Variants in CADM2 observed in about 807,000 individuals in gnomAD.
CADM2 encodes immunoglobulin superfamily member 4D.
Under a neutral mutation model 49.8 loss-of-function variants are expected in CADM2, and 12 were observed. That is an observed-to-expected ratio of 0.24 (90% CI 0.15 to 0.39). The LOEUF (loss-of-function observed/expected upper bound fraction) is 0.39, where lower values mean the gene tolerates loss of function less well. Ranked by LOEUF, CADM2 falls within the 10% of genes least tolerant of loss-of-function variation. The probability of loss-of-function intolerance (pLI) is 1.00; values close to 1 mark genes in which losing one functional copy is unlikely to be tolerated. For missense variants in CADM2, 378 were observed against 492.3 expected (o/e 0.77, Z 2.20); for synonymous variants, 214 against 175.4 (o/e 1.22, Z -1.74).
intron 1 of CADM2, among the ~76,000 whole-genome samples, chr3:85,348,355 AT>A (rs758281693): frequency 8.5e-5 from 13 of 152,304 alleles, no homozygotes; most frequent in Non-Finnish European, 1.6e-4. Flanking sequence ...TTAAATGTTA[AT>A]CTTATCCCAA....
chr3:85,542,221 T>A (rs1056121125), intron 1 of CADM2, among the ~76,000 whole-genome samples: 1 of 152,124 alleles, frequency 6.6e-6, no homozygotes, highest in Non-Finnish European at 1.5e-5. Context: ...GCCAGCTCTC[T>A]CGGTCCCTCA....
chr3:85,926,697 A>G (rs1451639325), intron 6 of CADM2, among the ~76,000 whole-genome samples: 9 of 152,136 alleles, frequency 5.9e-5, no homozygotes, highest in Non-Finnish European at 1.3e-4. Context: ...GTTTGTGAAT[A>G]AGAAGAACCT....
chr3:86,040,439 C>G (rs1041591977), intron 8 of CADM2, among the ~76,000 whole-genome samples: 4 of 152,070 alleles, frequency 2.6e-5, no homozygotes, highest in Non-Finnish European at 1.5e-5. Context: ...GACAAATGCA[C>G]AAGCCTCAGT....
chr3:85,568,459 CTTTCTCTT>C (rs2062357376), intron 1 of CADM2, among the ~76,000 whole-genome samples: 8 of 35,844 alleles, frequency 2.2e-4, no homozygotes, highest in African/African-American at 8.4e-4. Flanking sequence ...TTCTTTCTTT[CTTTCTCTT>C]TCTCTCTCTT....
intron 1 of CADM2, among the ~76,000 whole-genome samples, chr3:85,058,953 T>C (rs1023093558): frequency 6.6e-6 from 1 of 151,660 alleles, no homozygotes; most frequent in South Asian, 2.1e-4. Context: ...TAAAAATATA[T>C]AGTATTCTTA....
At position 86,071,230 on chromosome 3, in the gene CADM2, A is replaced by G. The variant is rs1477596998; in HGVS notation, c.*4447A>G. ...TGTTTTCATAGATTGTAGCAAGTAC[A>G]AATGTATTCAATGAAAGAACATAGG... On this transcript the variant is annotated 3_prime_UTR_variant, in exon 10 of 10. Transcript: ENST00000383699. The G allele has an allele frequency of 6.6e-6, 1 of 151,970 alleles. No individual in the cohort carries two copies. Among genetic ancestry groups the G allele is most frequent in the Non-Finnish European group, 1.5e-5 (1 of 67,838 alleles). The allele number at this position is 151,970 out of a possible 1,614,324, so 9.4% of individuals were successfully genotyped here. A position where few individuals can be genotyped will look rare whatever the true frequency, so the allele number is the denominator to read the frequency against.
intron 1 of CADM2, among the ~76,000 whole-genome samples, chr3:85,410,288 A>T (rs1197920193): frequency 6.6e-6 from 1 of 152,214 alleles, no homozygotes; most frequent in Non-Finnish European, 1.5e-5. Flanking sequence ...GAGAATGTTT[A>T]TGCCAGAGTC....
chr3:85,681,606 G>T (rs2066040826), intron 1 of CADM2, among the ~76,000 whole-genome samples: 1 of 152,042 alleles, frequency 6.6e-6, no homozygotes, highest in South Asian at 2.1e-4. Context: ...AGTGACCTTA[G>T]AAATCATCTA....
chr3:85,845,002 A>C (rs1404440109), intron 3 of CADM2, among the ~76,000 whole-genome samples: 1 of 151,874 alleles, frequency 6.6e-6, no homozygotes, highest in Non-Finnish European at 1.5e-5. Flanking sequence ...AATGAAAAAA[A>C]AAATTAGCCA....
chr3:85,544,450 G>T (rs1333866218), intron 1 of CADM2, among the ~76,000 whole-genome samples: 6 of 152,138 alleles, frequency 3.9e-5, no homozygotes, highest in African/African-American at 1.4e-4. Context: ...TGTGGCGGAC[G>T]CCTGTAGTCC....
chr3:85,619,397 A>G (rs2063903528), intron 1 of CADM2, among the ~76,000 whole-genome samples: 1 of 152,148 alleles, frequency 6.6e-6, no homozygotes, highest in Non-Finnish European at 1.5e-5. Flanking sequence ...GGGGGAAAGA[A>G]GGAAAAAAAA....
chr3:85,646,387 A>G (rs554297701), intron 1 of CADM2, among the ~76,000 whole-genome samples: 1 of 152,144 alleles, frequency 6.6e-6, no homozygotes, highest in South Asian at 2.1e-4. Flanking sequence ...AATGAAGTCA[A>G]CAGTCAATTA....
At chr3:85,308,310 T>TACACACAC (rs10662960) in intron 1 of CADM2, among the ~76,000 whole-genome samples, 2,482 of 143,570 alleles carry the variant, frequency 0.017, 67 homozygotes, top group African/African-American at 0.054. Flanking sequence ...TCTACCTCTC[T>TACACACAC]ACACACACAC....
intron 1 of CADM2, among the ~76,000 whole-genome samples, chr3:85,105,832 A>T (rs1481926794): frequency 1.3e-5 from 2 of 151,980 alleles, no homozygotes; most frequent in Admixed American, 6.6e-5. Context: ...TTCTCAGTAA[A>T]CTGTCACAAG....
intron 1 of CADM2, among the ~76,000 whole-genome samples, chr3:85,634,454 T>C (rs2064400351): frequency 6.6e-6 from 1 of 152,062 alleles, no homozygotes; most frequent in South Asian, 2.1e-4. Flanking sequence ...GTATATATAA[T>C]TGAACCTAAT....
rs538299479 is a variant in CADM2, at chr3:85,540,415, A to G, written c.62-186107A>G. ...TATTTCATTGACATCCTTAAGGACAAACAGATACTTGGCATTTTAGATTTG... is the reference window on the plus strand; with the variant it reads ...TATTTCATTGACATCCTTAAGGACAGACAGATACTTGGCATTTTAGATTTG... On this transcript the variant is annotated intron_variant, in intron 1 of 9. Coordinates refer to ENST00000383699, the MANE Select transcript of CADM2 (RefSeq NM_001167675.2). 2.0e-5 allele frequency among the ~76,000 whole-genome samples: 3 copies of G among 152,262 alleles called. No homozygotes were observed. In the East Asian group the frequency reaches 5.8e-4, roughly 29 times the overall value.
intron 8 of CADM2, among the ~76,000 whole-genome samples, chr3:85,982,079 T>C (rs1727545980): frequency 6.6e-6 from 1 of 151,744 alleles, no homozygotes; most frequent in African/African-American, 2.4e-5. Context: ...TCATTGCGGT[T>C]TTGATTTGTG....
intron 3 of CADM2, among the ~76,000 whole-genome samples, chr3:85,860,882 CA>C (rs1451081244): frequency 6.6e-6 from 1 of 152,056 alleles, no homozygotes; most frequent in Non-Finnish European, 1.5e-5. Context: ...GAAAGCACCA[CA>C]AAATGAAGTA....
intron 1 of CADM2, among the ~76,000 whole-genome samples, chr3:85,620,483 A>G (rs1418778300): frequency 6.6e-6 from 1 of 152,044 alleles, no homozygotes; most frequent in Non-Finnish European, 1.5e-5. Flanking sequence ...AGCAACCTCC[A>G]TAATTTCCAT....
Sources: gnomAD v4.1 joint callset for allele counts (sites outside exome capture counted in the v4.1 genomes callset) on GRCh38, gnomAD v4.1.1 for gene constraint, MANE v1.5 for transcripts, NCBI Gene and HGNC (gene_info 2026-07-23, HGNC 2026-07-21) for gene names.